The following MIDN variants were observed in gnomAD, a reference collection of about 807,000 sequenced individuals.
MIDN encodes midbrain nucleolar protein.
Under a neutral mutation model 46.1 loss-of-function variants are expected in MIDN, and 26 were observed. The observed-to-expected ratio is 0.56, with a 90% CI of 0.41 to 0.78. The LOEUF is 0.78. Ranked by LOEUF, MIDN falls within the 30% of genes least tolerant of loss-of-function variation. The pLI, the probability that MIDN is intolerant of heterozygous loss-of-function variation, is 0.00. For synonymous variants in MIDN, 432 were observed against 343.3 expected (o/e 1.26, Z -2.86); for missense variants, 850 against 771.8 (o/e 1.10, Z -1.20).
chr19:1,257,329 C>T lies in MIDN; in HGVS notation c.*57C>T. On this transcript the variant is annotated 3_prime_UTR_variant, in exon 9 of 9. Coordinates refer to ENST00000682408, the MANE Select transcript of MIDN (RefSeq NM_001388306.1). ...ACCCCAGCCCAGGGCGGCGGGGACT[C>T]CGAGAGCCCCGGAGAGAACGTGGCC... 6.7e-7 allele frequency: 1 copy of T among 1,495,306 alleles called. No individual in the cohort carries two copies. The highest frequency in any genetic ancestry group is 9.2e-7 in the Non-Finnish European group (1 of 1,081,482). 92.6% of individuals were successfully genotyped at this position (1,495,306 alleles called of 1,614,324 possible).
In MIDN at chr19:1,254,841, T is replaced by G; in HGVS notation, c.826-61T>G. ...GGGCTGGTGGGTGATCTCTGGTCCC[T>G]GGGTTGCTGGTGATCCCCTGATCCT... On this transcript the variant is annotated intron_variant, in intron 6 of 8. Transcript: ENST00000682408. The G allele has an allele frequency of 2.0e-6, 3 of 1,533,820 alleles. No individual in the cohort carries two copies. In the East Asian group the frequency reaches 6.8e-5, roughly 35 times the overall value.
At position 1,254,483 on chromosome 19, in the gene MIDN, G is replaced by A. The variant is rs1173159913; in HGVS notation, c.825+5G>A. The stretch of plus-strand genomic sequence containing the variant: ...GCCTCCACCACCTGCCCGGAGGTGA[G>A]CCTGGGGAAGGGAAGGGTGACCCTT... On this transcript the variant is annotated splice_donor_5th_base_variant and intron_variant, in intron 6 of 8. Coordinates refer to ENST00000682408, the MANE Select transcript of MIDN (RefSeq NM_001388306.1). The A allele has an allele frequency of 1.3e-6, 2 of 1,547,388 alleles. No homozygotes were observed. Among genetic ancestry groups the A allele is most frequent in the South Asian group, 1.2e-5 (1 of 84,778 alleles).
rs1326621390 is a variant in MIDN at position 1,257,233 on chromosome 19, A to T, written c.1497A>T (p.Glu499Asp). Residue 499 changes from glutamate (E) to aspartate (D), a missense_variant, in exon 9 of 9, where the codon GAA (glutamate) becomes GAT (aspartate). Glu to Asp is a conservative substitution (Grantham distance 45). Transcript: ENST00000682408. ...LDFEDSVWKPEVNPDIKSEFV... is the reference protein window; with the variant it reads ...LDFEDSVWKPDVNPDIKSEFV... ...TCGAGGACTCCGTGTGGAAGCCAGA[A>T]GTCAACCCTGACATCAAGTCAGAGT... The T allele has an allele frequency of 6.2e-7, 1 of 1,612,164 alleles. No individual in the cohort carries two copies. Among genetic ancestry groups the T allele is most frequent in the Admixed American group, 1.7e-5 (1 of 60,008 alleles).
At position 1,257,377 on chromosome 19, in the gene MIDN, A is replaced by T; in HGVS notation, c.*105A>T. On this transcript the variant is annotated 3_prime_UTR_variant, in exon 9 of 9. Transcript: ENST00000682408. The stretch of plus-strand genomic sequence containing the variant: ...GCCCAGCCCTGGAGGGCAGGCGGCC[A>T]CTCCCCCAGCCAGAAGTCTTTTTTT... 1.2e-6 allele frequency: 1 copy of T among 835,078 alleles called. No homozygotes were observed. Among genetic ancestry groups the T allele is most frequent in the South Asian group, 1.6e-5 (1 of 64,448 alleles). 51.7% of individuals were successfully genotyped at this position (835,078 alleles called of 1,614,324 possible). A position where few individuals can be genotyped will look rare whatever the true frequency, so the allele number is the denominator to read the frequency against.
intron 4 of MIDN, 132 bp from the exon 5 acceptor site, chr19:1,253,822 A>G: frequency 1.6e-6 from 1 of 643,258 alleles, no homozygotes; most frequent in Non-Finnish European, 2.2e-6. Flanking sequence ...GGGAAAGGCA[A>G]AGTGAAGGTT....
rs779192162 is a variant in MIDN at position 1,254,278 on chromosome 19, C to G, written c.625C>G (p.Arg209Gly). The change falls in exon 6 of 9, where the codon CGC (arginine) becomes GGC (glycine). Residue 209 changes from arginine to glycine, a missense_variant. Transcript: ENST00000682408. ...LAAQHAPLQH[R>G]HVLAAAAAAA... ...GGCCCAGCACGCTCCACTGCAACAC[C>G]GCCATGTGCTGGCCGCTGCGGCCGC... The G allele has an allele frequency of 1.0e-5, 16 of 1,581,696 alleles. No homozygotes were observed. The South Asian group carries it at 1.8e-4, about 18-fold the overall frequency.
intron 7 of MIDN, 46 bp downstream of exon 7, chr19:1,255,107 C>G: frequency 6.3e-7 from 1 of 1,583,024 alleles, no homozygotes; most frequent in Non-Finnish European, 8.6e-7. Flanking sequence ...TCCCGTGACC[C>G]TGTGCATTTG....
rs1257448071 is a variant in MIDN at position 1,254,037 on chromosome 19, C to G, written c.468C>G (p.His156Gln). Reference sequence around the variant, plus strand: ...TCATTTTATTTAAGCGTCCGTGGCACCGACAGGGACCCCAGAGCCCAGAGA... The same window carrying G: ...TCATTTTATTTAAGCGTCCGTGGCAGCGACAGGGACCCCAGAGCCCAGAGA... ...YRFILFKRPW[H>Q]RQGPQSPERG... Residue 156 changes from histidine to glutamine, a missense_variant, in exon 5 of 9, where the codon CAC (histidine) becomes CAG (glutamine). Physicochemically the swap from His to Gln is conservative, Grantham distance 24 (BLOSUM62 0). Transcript: ENST00000682408. 7.0e-7 allele frequency: 1 copy of G among 1,436,068 alleles called. No homozygotes were observed. Among genetic ancestry groups the G allele is most frequent in the Admixed American group, 3.1e-5 (1 of 32,144 alleles). The allele number at this position is 1,436,068 out of a possible 1,614,324, so 89.0% of individuals were successfully genotyped here.
At chr19:1,253,887 C>T (rs1010830753) in intron 4 of MIDN, 67 bp from the exon 5 acceptor site, 23 of 1,324,838 alleles carry the variant, frequency 1.7e-5, no homozygotes, top group South Asian at 3.5e-5. Flanking sequence ...TCAGTTTCCC[C>T]TTGCAAGACC....
Position 1,258,812 on chromosome 19 carries a change from A to G in MIDN, c.*1540A>G, listed in dbSNP as rs1262404066. 6.6e-6 allele frequency: 1 copy of G among 152,066 alleles called. No homozygotes were observed. The highest frequency in any genetic ancestry group is 1.5e-5 in the Non-Finnish European group (1 of 68,004). The allele number at this position is 152,066 out of a possible 1,614,324, so 9.4% of individuals were successfully genotyped here. A position where few individuals can be genotyped will look rare whatever the true frequency, so the allele number is the denominator to read the frequency against. ...TTTTCCAAAAAAAAAAGAAAAAAAA[A>G]TAGAAAAAAAAGGAGTAAAAGGGGC... On this transcript the variant is annotated 3_prime_UTR_variant, in exon 9 of 9. Transcript: ENST00000682408.
At chr19:1,253,044 T>TG (rs111898804) in intron 4 of MIDN, among the ~76,000 whole-genome samples, 57,814 of 130,480 alleles carry the variant, frequency 0.44, 12,261 homozygotes, top group East Asian at 0.56. Flanking sequence ...TGGGGGGGGC[T>TG]GGAGGGGGTG....
In MIDN at chr19:1,257,272, G is replaced by A. The variant is rs7359977; in HGVS notation, c.1536G>A (p.Ter512=). ...TCAAGTCAGAGTTCGTGGTGGCTTA[G>A]GATCTTCGGATCGGCCACCCTCGCC... ...PDIKSEFVVA[*] is the part of the protein sequence containing the mutation. The change falls in exon 9 of 9, where the codon TAG becomes TAA. Residue 512 remains the stop codon, a stop_retained_variant. Transcript: ENST00000682408. The A allele has an allele frequency of 6.2e-7, 1 of 1,611,160 alleles. No homozygotes were observed. Among genetic ancestry groups the A allele is most frequent in the Non-Finnish European group, 8.5e-7 (1 of 1,179,168 alleles).
At chr19:1,252,747 C>A (rs912785637) in intron 4 of MIDN, among the ~76,000 whole-genome samples, 1 of 152,124 alleles carries the variant, frequency 6.6e-6, no homozygotes, top group Non-Finnish European at 1.5e-5. Flanking sequence ...GCCCGCACCC[C>A]CTTCCGCTTT....
At position 1,257,532 on chromosome 19, in the gene MIDN, C is replaced by A; in HGVS notation, c.*260C>A. ...TGCCCTCCTCTTCCTCCTCCTCCTC[C>A]TCCTCCGTCTGTCTCCTTTCACCTC... On this transcript the variant is annotated 3_prime_UTR_variant, in exon 9 of 9. Coordinates refer to ENST00000682408, the MANE Select transcript of MIDN (RefSeq NM_001388306.1). 1 of 449,234 alleles carries A rather than the reference C, an allele frequency of 2.2e-6. No individual in the cohort carries two copies. The allele number at this position is 449,234 out of a possible 1,614,324, so 27.8% of individuals were successfully genotyped here. A position where few individuals can be genotyped will look rare whatever the true frequency, so the allele number is the denominator to read the frequency against.
chr19:1,255,031 G>A lies in MIDN; in HGVS notation c.955G>A (p.Ala319Thr), dbSNP rs766876307. The A allele has an allele frequency of 8.7e-6, 14 of 1,612,964 alleles. No homozygotes were observed. In the East Asian group the frequency reaches 8.9e-5, roughly 10 times the overall value. ...CGTCATCGAGAGCTTTGTGAATCAC[G>A]CCCCGGGGGTCTTCTCAGGGACCTT... is the stretch of plus-strand genomic sequence containing the variant. ...GAVIESFVNH[A>T]PGVFSGTFSG... Residue 319 changes from alanine to threonine, a missense_variant, in exon 7 of 9, where the codon GCC becomes ACC. Ala to Thr is a moderately conservative substitution (Grantham distance 58). Coordinates refer to ENST00000682408, the MANE Select transcript of MIDN (RefSeq NM_001388306.1).
In MIDN at chr19:1,250,498, A is replaced by C. The variant is rs1267741866; in HGVS notation, c.202A>C (p.Lys68Gln). Residue 68 changes from lysine (K) to glutamine (Q), a missense_variant, in exon 2 of 9, where the codon AAG becomes CAG. Coordinates refer to ENST00000682408, the MANE Select transcript of MIDN (RefSeq NM_001388306.1). ...KRLSQRLKVP[K>Q]ERLALLHKDT... ...GTTGTCCCAGCGCCTCAAAGTGCCCAAGGAGCGCCTGGCTCTTCTCCACAA... is the reference window on the plus strand; with the variant it reads ...GTTGTCCCAGCGCCTCAAAGTGCCCCAGGAGCGCCTGGCTCTTCTCCACAA... 3 of 1,345,350 alleles carry C rather than the reference A, an allele frequency of 2.2e-6. No individual in the cohort carries two copies. The highest frequency in any genetic ancestry group is 2.9e-6 in the Non-Finnish European group (3 of 1,024,128). The allele number at this position is 1,345,350 out of a possible 1,614,324, so 83.3% of individuals were successfully genotyped here.
chr19:1,257,023 C>T lies in MIDN; in HGVS notation c.1287C>T (p.Arg429=), dbSNP rs548879749. Residue 429 remains arginine, a synonymous_variant, in exon 9 of 9, where the codon CGC becomes CGT. Coordinates refer to ENST00000682408, the MANE Select transcript of MIDN (RefSeq NM_001388306.1). ...ACCGGCTTCGGCAGACAGAAAACCG[C>T]GCCACGCGCTGCAAGGTGGAACGGC... is the stretch of plus-strand genomic sequence containing the variant. ...PGDRLRQTEN[R]ATRCKVERLQ... The T allele has an allele frequency of 5.2e-5, 84 of 1,611,586 alleles. No individual in the cohort carries two copies. Among genetic ancestry groups the T allele is most frequent in the Admixed American group, 1.5e-4 (9 of 60,014 alleles).
At chr19:1,252,447 G>C (rs555360002) in intron 4 of MIDN, among the ~76,000 whole-genome samples, 1 of 152,322 alleles carries the variant, frequency 6.6e-6, no homozygotes, top group South Asian at 2.1e-4. Context: ...CAGCCCTGGG[G>C]CCAGTGAGGC....
Position 1,254,440 on chromosome 19 carries a change from T to C in MIDN, c.787T>C (p.Ser263Pro). ...PASPSPITAG[S>P]FRSHAASTTC... ...ATCTCCCTCGCCCATCACAGCCGGC[T>C]CCTTCCGGTCCCACGCAGCCTCCAC... Residue 263 changes from serine (S) to proline (P), a missense_variant, in exon 6 of 9, where the codon TCC becomes CCC. Transcript: ENST00000682408. The C allele has an allele frequency of 6.4e-7, 1 of 1,564,686 alleles. No individual in the cohort carries two copies.
Sources: allele counts gnomAD v4.1 joint callset (sites outside exome capture counted in the v4.1 genomes callset), GRCh38; gene constraint gnomAD v4.1.1; transcripts MANE v1.5; gene names NCBI Gene and HGNC (gene_info 2026-07-23, HGNC 2026-07-21).